Variants in PRKX observed in about 807,000 individuals in gnomAD.
The protein encoded by PRKX is protein kinase cAMP-dependent X-linked catalytic subunit, also known as cAMP-dependent protein kinase catalytic subunit PRKX.
In PRKX, 12 loss-of-function variants were observed where a neutral mutation model predicts 22.0. That is an observed-to-expected ratio of 0.54 (90% confidence interval 0.35 to 0.88). The LOEUF (loss-of-function observed/expected upper bound fraction) is 0.88. Among genes scored for constraint, PRKX ranks in the 40% least tolerant of loss-of-function variants. The pLI is 0.01. For missense variants in PRKX, 217 were observed against 308.0 expected (o/e 0.70, Z 2.21); for synonymous variants, 134 against 137.7 (o/e 0.97, Z 0.19).
chrX:3,697,305 G>A (rs1928463178), intron 1 of PRKX, among the ~76,000 whole-genome samples: 1 of 110,997 alleles, frequency 9.0e-6, no homozygotes, highest in Admixed American at 9.6e-5. Context: ...GGTGAAGGCT[G>A]CAGTCAGCTA....
chrX:3,650,158 CAAAG>C (rs1927288441), intron 3 of PRKX, among the ~76,000 whole-genome samples: 1 of 107,787 alleles, frequency 9.3e-6, no homozygotes, highest in Non-Finnish European at 1.9e-5. Flanking sequence ...AAACAAAAAA[CAAAG>C]AAAGAAATTC....
rs1246581101 is a variant in PRKX, at chrX:3,607,653, G to A, written c.*1316C>T. 4.5e-5 allele frequency: 5 copies of A among 110,631 alleles called. No individual in the cohort carries two copies. The highest frequency in any genetic ancestry group is 1.7e-4 in the African/African-American group (5 of 30,141). The allele number at this position is 110,631 out of a possible 1,213,427, so 9.1% of individuals were successfully genotyped here. ...TGATGAAAAAGGGTGGCTATGTTCT[G>A]TTTCTGTAATTTCACTGTTTTAACA... On this transcript the variant is annotated 3_prime_UTR_variant, in exon 9 of 9. Coordinates refer to ENST00000262848, the MANE Select transcript of PRKX (RefSeq NM_005044.5).
chrX:3,643,163 A>G (rs1430152655), intron 3 of PRKX, among the ~76,000 whole-genome samples: 2 of 90,461 alleles, frequency 2.2e-5, no homozygotes. Flanking sequence ...GTGTAAAGAC[A>G]GAAATACACT....
rs1926226088 is a variant in PRKX, at chrX:3,608,421, G to T, written c.*548C>A. 9.1e-6 allele frequency: 1 copy of T among 109,452 alleles called. No homozygotes were observed. Among genetic ancestry groups the T allele is most frequent in the Non-Finnish European group, 1.9e-5 (1 of 52,622 alleles). 9.0% of individuals were successfully genotyped at this position (109,452 alleles called of 1,213,427 possible). On this transcript the variant is annotated 3_prime_UTR_variant, in exon 9 of 9. Coordinates refer to ENST00000262848, the MANE Select transcript of PRKX (RefSeq NM_005044.5). ...TGCATGTGAGATGATTTTTTTTAAT[G>T]CATGCAACATACCCTTCAGATGTTG...
rs1161346907 is a variant in PRKX, at chrX:3,606,274, G to A, written c.*2695C>T. 5 of 112,797 alleles carry A rather than the reference G, an allele frequency of 4.4e-5. No homozygotes were observed. Among genetic ancestry groups the A allele is most frequent in the East Asian group, 2.8e-4 (1 of 3,600 alleles). The allele number at this position is 112,797 out of a possible 1,213,427, so 9.3% of individuals were successfully genotyped here. On this transcript the variant is annotated 3_prime_UTR_variant, in exon 9 of 9. Coordinates refer to ENST00000262848, the MANE Select transcript of PRKX (RefSeq NM_005044.5). Reference sequence around the variant, plus strand: ...ATCATCCATACGGACATTCTGCACCGTGATTGTTTCGTGATCATCCATGCG... The same window carrying A: ...ATCATCCATACGGACATTCTGCACCATGATTGTTTCGTGATCATCCATGCG...
At chrX:3,697,261 G>C (rs1223112818) in intron 1 of PRKX, among the ~76,000 whole-genome samples, 1 of 111,048 alleles carries the variant, frequency 9.0e-6, no homozygotes, top group Admixed American at 9.6e-5. Flanking sequence ...AGCTACTCGG[G>C]AAGGCGCGGC....
chrX:3,634,555 T>C (rs1440057984), intron 4 of PRKX, among the ~76,000 whole-genome samples: 1 of 111,437 alleles, frequency 9.0e-6, no homozygotes, highest in Non-Finnish European at 1.9e-5. Context: ...AATTTTCTCC[T>C]ATGCCTCAAC....
intron 5 of PRKX, among the ~76,000 whole-genome samples, chrX:3,625,423 T>C (rs1926640748): frequency 8.9e-6 from 1 of 112,272 alleles, no homozygotes; most frequent in African/African-American, 3.2e-5. Context: ...AATTCTCAAC[T>C]AGATGCATTT....
chrX:3,702,052 G>T (rs1447139484), intron 1 of PRKX, among the ~76,000 whole-genome samples: 1 of 111,651 alleles, frequency 9.0e-6, no homozygotes, highest in Non-Finnish European at 1.9e-5. Flanking sequence ...TTACTCTATG[G>T]ATTTGCCTTG....
intron 4 of PRKX, among the ~76,000 whole-genome samples, chrX:3,633,730 C>G (rs1377666943): frequency 9.0e-6 from 1 of 111,274 alleles, no homozygotes; most frequent in East Asian, 2.8e-4. Flanking sequence ...CTCCCTCCTA[C>G]TCAGCTGGAA....
At chrX:3,653,669 GAT>G (rs1174859019) in intron 3 of PRKX, among the ~76,000 whole-genome samples, 1 of 62,779 alleles carries the variant, frequency 1.6e-5, no homozygotes, top group Admixed American at 2.8e-4. Context: ...TATACTATGT[GAT>G]ATATATAATA....
chrX:3,693,050 G>C (rs113325564), intron 1 of PRKX, among the ~76,000 whole-genome samples: 13 of 110,611 alleles, frequency 1.2e-4, no homozygotes, highest in African/African-American at 3.9e-4. Flanking sequence ...TATTTTCCTG[G>C]GTCTCAGGTG....
intron 1 of PRKX, among the ~76,000 whole-genome samples, chrX:3,684,209 G>A (rs138781292): frequency 0.015 from 1,608 of 107,983 alleles, 32 homozygotes; most frequent in African/African-American, 0.051. Flanking sequence ...CCAAGATTGC[G>A]CCACTGCACT....
intron 1 of PRKX, among the ~76,000 whole-genome samples, chrX:3,709,640 C>T (rs1438188702): frequency 9.0e-6 from 1 of 111,124 alleles, no homozygotes; most frequent in African/African-American, 3.3e-5. Context: ...GGGAAAAAAC[C>T]CAAGTATTTT....
intron 6 of PRKX, among the ~76,000 whole-genome samples, chrX:3,616,096 G>A (rs1256048627): frequency 5.4e-5 from 6 of 111,261 alleles, no homozygotes; most frequent in African/African-American, 1.3e-4. Context: ...CTTTTTTGCC[G>A]CAGAAACAAA....
At position 3,605,463 on chromosome X, in the gene PRKX, C is replaced by A. The variant is rs1270090830; in HGVS notation, c.*3506G>T. ...GTGCAGCCTGAGGTGCACCTGGCTA[C>A]AGAGTGGAGCCTTGGGGTCTTTAAC... On this transcript the variant is annotated 3_prime_UTR_variant, in exon 9 of 9. Transcript: ENST00000262848. The A allele has an allele frequency of 4.4e-5, 5 of 112,521 alleles. No homozygotes were observed. The highest frequency in any genetic ancestry group is 7.5e-5 in the Non-Finnish European group (4 of 53,359). 9.3% of individuals were successfully genotyped at this position (112,521 alleles called of 1,213,427 possible).
intron 2 of PRKX, among the ~76,000 whole-genome samples, chrX:3,665,922 G>A (rs781734202): frequency 2.4e-3 from 71 of 29,230 alleles, no homozygotes; most frequent in African/African-American, 6.8e-3. Context: ...TTCTGGAGAT[G>A]GATGGGGATG....
chrX:3,626,246 T>C (rs1603473298), intron 5 of PRKX, among the ~76,000 whole-genome samples, 173 bp downstream of exon 5: 2 of 112,632 alleles, frequency 1.8e-5, no homozygotes, highest in East Asian at 2.8e-4. Context: ...ATCATTAAAG[T>C]AGAATACTGA....
At chrX:3,624,704 C>T (rs1260296095) in intron 5 of PRKX, among the ~76,000 whole-genome samples, 2 of 110,791 alleles carry the variant, frequency 1.8e-5, no homozygotes, top group African/African-American at 3.3e-5. Context: ...ACTGCAGCCT[C>T]GACTTCCTGG....
Sources: gnomAD v4.1 joint callset for allele counts (sites outside exome capture counted in the v4.1 genomes callset) on GRCh38, gnomAD v4.1.1 for gene constraint, MANE v1.5 for transcripts, NCBI Gene and HGNC (gene_info 2026-07-23, HGNC 2026-07-21) for gene names.